The following CNTNAP2 variants were observed in gnomAD, a reference collection of about 807,000 sequenced individuals.
The protein encoded by CNTNAP2 is contactin-associated protein-like 2.
CNTNAP2 carries 98 observed loss-of-function variants against 155.2 expected under a neutral mutation model. The ratio of observed to expected loss-of-function variants is 0.63; its 90% CI spans 0.54 to 0.75. The LOEUF (loss-of-function observed/expected upper bound fraction) is 0.75. Ranked by LOEUF, CNTNAP2 falls within the 30% of genes least tolerant of loss-of-function variation. CNTNAP2 has a pLI of 0.00. For missense variants in CNTNAP2, 1,727 were observed against 1,688.1 expected (o/e 1.02, Z -0.40); for synonymous variants, 651 against 631.2 (o/e 1.03, Z -0.47).
At chr7:146,232,686 C>A (rs760896060) in intron 1 of CNTNAP2, among the ~76,000 whole-genome samples, 10 of 152,100 alleles carry the variant, frequency 6.6e-5, no homozygotes, top group Non-Finnish European at 1.2e-4. Context: ...CTCTAATAAC[C>A]CTATACACTT....
intron 1 of CNTNAP2, among the ~76,000 whole-genome samples, chr7:146,474,202 G>A (rs532663668): frequency 6.6e-6 from 1 of 151,080 alleles, no homozygotes; most frequent in South Asian, 2.1e-4. Context: ...CAGTTTCAAA[G>A]TGCATTTATT....
At chr7:147,158,935 A>G (rs1801975779) in intron 8 of CNTNAP2, among the ~76,000 whole-genome samples, 1 of 152,168 alleles carries the variant, frequency 6.6e-6, no homozygotes, top group Non-Finnish European at 1.5e-5. Flanking sequence ...AAACTGATGT[A>G]TAAAAGTTGT....
intron 22 of CNTNAP2, among the ~76,000 whole-genome samples, chr7:148,392,941 C>T (rs1238105899): frequency 6.6e-6 from 1 of 152,146 alleles, no homozygotes; most frequent in East Asian, 1.9e-4. Context: ...CCCGTCACCA[C>T]ATCGGACACT....
At position 146,483,326 on chromosome 7, in the gene CNTNAP2, T is replaced by TATATATATATAC. The variant is rs1554439604; in HGVS notation, c.98-290942_98-290941insTATATATACATA. Among the ~76,000 whole-genome samples the TATATATATATAC allele has an allele frequency of 1.3e-3, 105 of 79,200 alleles. 1 individual carries two copies. The highest frequency in any genetic ancestry group is 1.8e-3 in the Non-Finnish European group (79 of 42,752). 52.0% of individuals were successfully genotyped at this position (79,200 alleles called of 152,430 possible). On this transcript the variant is annotated intron_variant, in intron 1 of 23. Coordinates refer to ENST00000361727, the MANE Select transcript of CNTNAP2 (RefSeq NM_014141.6). ...ATATATATATATATATATATATATA[T>TATATATATATAC]ATACATATATATATATTTAAGCACA...
chr7:147,425,527 C>T (rs905383644), intron 10 of CNTNAP2, among the ~76,000 whole-genome samples: 13 of 152,048 alleles, frequency 8.5e-5, no homozygotes, highest in African/African-American at 3.1e-4. Flanking sequence ...TCTTTAGAAA[C>T]TCCCTGATCT....
At chr7:148,272,051 A>G (rs1265657165) in intron 21 of CNTNAP2, among the ~76,000 whole-genome samples, 6 of 152,206 alleles carry the variant, frequency 3.9e-5, no homozygotes, top group Admixed American at 1.3e-4. Context: ...GCACTCCTCA[A>G]AAAGGGACAC....
chr7:146,959,980 A>G (rs1274200536), intron 3 of CNTNAP2, among the ~76,000 whole-genome samples: 1 of 152,124 alleles, frequency 6.6e-6, no homozygotes, highest in Non-Finnish European at 1.5e-5. Context: ...CTTGGCTGTC[A>G]CAGGTAGCAT....
intron 16 of CNTNAP2, among the ~76,000 whole-genome samples, chr7:148,133,272 G>C (rs971874482): frequency 6.6e-6 from 1 of 152,006 alleles, no homozygotes; most frequent in African/African-American, 2.4e-5. Flanking sequence ...GACCAGCCTG[G>C]CCAACACGGT....
At chr7:147,031,902 A>G (rs1341834955) in intron 3 of CNTNAP2, among the ~76,000 whole-genome samples, 1 of 152,238 alleles carries the variant, frequency 6.6e-6, no homozygotes, top group African/African-American at 2.4e-5. Flanking sequence ...CGGACAACAG[A>G]AAAAGACTCT....
At chr7:147,072,439 C>G (rs907943289) in intron 4 of CNTNAP2, among the ~76,000 whole-genome samples, 1 of 151,746 alleles carries the variant, frequency 6.6e-6, no homozygotes, top group Non-Finnish European at 1.5e-5. Context: ...CATGTCTGCT[C>G]TGGGTAAGCC....
chr7:148,198,227 T>C (rs1170609094), intron 18 of CNTNAP2, among the ~76,000 whole-genome samples: 4 of 152,168 alleles, frequency 2.6e-5, no homozygotes, highest in African/African-American at 7.2e-5. Flanking sequence ...CTGTTCTTTC[T>C]CTTTTGAAGC....
At chr7:147,102,995 A>G (rs568804033) in intron 4 of CNTNAP2, among the ~76,000 whole-genome samples, 20 of 152,294 alleles carry the variant, frequency 1.3e-4, no homozygotes, top group African/African-American at 4.8e-4. Context: ...GTATATTTGT[A>G]GTTGTAGCAC....
chr7:147,065,845 T>C (rs1226419517), intron 4 of CNTNAP2, among the ~76,000 whole-genome samples: 1 of 152,124 alleles, frequency 6.6e-6, no homozygotes, highest in Non-Finnish European at 1.5e-5. Flanking sequence ...ATTAGAAATA[T>C]ATTTCTGATT....
At chr7:146,527,472 T>C (rs975622094) in intron 1 of CNTNAP2, among the ~76,000 whole-genome samples, 2 of 152,140 alleles carry the variant, frequency 1.3e-5, no homozygotes, top group East Asian at 1.9e-4. Flanking sequence ...AGGGGACCAG[T>C]TGAATATCAG....
At chr7:147,712,843 T>A (rs781415608) in intron 13 of CNTNAP2, among the ~76,000 whole-genome samples, 1 of 152,152 alleles carries the variant, frequency 6.6e-6, no homozygotes, top group Non-Finnish European at 1.5e-5. Flanking sequence ...TGTATACATA[T>A]GTAACCAACC....
At chr7:147,971,351 C>T (rs963114383) in intron 14 of CNTNAP2, among the ~76,000 whole-genome samples, 1 of 152,008 alleles carries the variant, frequency 6.6e-6, no homozygotes, top group Non-Finnish European at 1.5e-5. Context: ...TACAAGTGTA[C>T]AGGTTTTTTT....
chr7:147,802,870 G>A (rs955305518), intron 13 of CNTNAP2, among the ~76,000 whole-genome samples: 1 of 151,736 alleles, frequency 6.6e-6, no homozygotes, highest in Non-Finnish European at 1.5e-5. Context: ...TTAAGGTAAC[G>A]TGTAGGTTAA....
chr7:147,523,942 A>G (rs1386794795), intron 11 of CNTNAP2, among the ~76,000 whole-genome samples: 1 of 152,192 alleles, frequency 6.6e-6, no homozygotes, highest in African/African-American at 2.4e-5. Context: ...ACGGAGGTCA[A>G]ACAGTTTCCT....
At chr7:146,952,933 G>C (rs1797351769) in intron 3 of CNTNAP2, among the ~76,000 whole-genome samples, 2 of 151,976 alleles carry the variant, frequency 1.3e-5, no homozygotes, top group Non-Finnish European at 2.9e-5. Context: ...CTATTTAAAG[G>C]AAATGCAAGC....
Sources: allele counts gnomAD v4.1 joint callset (sites outside exome capture counted in the v4.1 genomes callset), GRCh38; gene constraint gnomAD v4.1.1; transcripts MANE v1.5; gene names NCBI Gene and HGNC (gene_info 2026-07-23, HGNC 2026-07-21).